SAMD5: variants seen among roughly 807,000 people sequenced by gnomAD.
SAMD5 encodes sterile alpha motif domain-containing protein 5.
In SAMD5, 13 loss-of-function variants were observed where a neutral mutation model predicts 11.3. The ratio of observed to expected loss-of-function variants is 1.15; its 90% CI spans 0.75 to 1.83. The LOEUF (loss-of-function observed/expected upper bound fraction) is 1.83. Among genes scored for constraint, SAMD5 ranks in the 40% most tolerant of loss-of-function variants. SAMD5 has a pLI of 0.00. For synonymous variants in SAMD5, 129 were observed against 111.3 expected (o/e 1.16, Z -1.00); for missense variants, 255 against 239.1 (o/e 1.07, Z -0.44).
intron 1 of SAMD5, among the ~76,000 whole-genome samples, chr6:147,595,098 T>C (rs1789509982): frequency 6.6e-6 from 1 of 152,248 alleles, no homozygotes; most frequent in Admixed American, 6.5e-5. Context: ...TAGTACTTGC[T>C]GTACCTGTTA....
intron 1 of SAMD5, among the ~76,000 whole-genome samples, chr6:147,644,951 C>G (rs991575661): frequency 4.6e-5 from 7 of 152,156 alleles, no homozygotes; most frequent in African/African-American, 1.7e-4. Flanking sequence ...TTGAAGCATA[C>G]TGGTTGTGGT....
At chr6:147,794,430 T>A in the SAMD5 span, among the ~76,000 whole-genome samples, 1 of 152,184 alleles carries the variant, frequency 6.6e-6, no homozygotes, top group Non-Finnish European at 1.5e-5. Flanking sequence ...TTACTTAACA[T>A]CATACTCACT....
the SAMD5 span, among the ~76,000 whole-genome samples, chr6:147,893,643 A>G: frequency 5.3e-5 from 8 of 152,140 alleles, no homozygotes; most frequent in Non-Finnish European, 1.2e-4. Flanking sequence ...CACAGGATCT[A>G]TTGACACTAT....
At chr6:147,695,665 G>C (rs972535831) in intron 1 of SAMD5, among the ~76,000 whole-genome samples, 1 of 152,114 alleles carries the variant, frequency 6.6e-6, no homozygotes, top group African/African-American at 2.4e-5. Context: ...TACTGTGCTA[G>C]CTACCAGTGT....
chr6:147,550,170 G>A (rs1022114223), intron 1 of SAMD5, among the ~76,000 whole-genome samples: 2 of 152,056 alleles, frequency 1.3e-5, no homozygotes, highest in African/African-American at 4.8e-5. Context: ...TTGAGCCCAG[G>A]AGTTTGAGGT....
downstream of SAMD5, among the ~76,000 whole-genome samples, chr6:147,742,268 TG>T (rs963253680): frequency 2.2e-4 from 34 of 152,228 alleles, no homozygotes; most frequent in Non-Finnish European, 4.3e-4. Context: ...GTGTGTTGTG[TG>T]TGTTTGTGTC....
At chr6:147,687,276 C>CTTTTT (rs59851113) in intron 1 of SAMD5, among the ~76,000 whole-genome samples, 12 of 105,026 alleles carry the variant, frequency 1.1e-4, no homozygotes, top group East Asian at 5.5e-4. Flanking sequence ...TCTCCTCCTT[C>CTTTTT]TTTTTTTTTT....
the SAMD5 span, among the ~76,000 whole-genome samples, chr6:147,877,118 T>G: frequency 3.9e-5 from 6 of 152,172 alleles, no homozygotes; most frequent in East Asian, 1.2e-3. Flanking sequence ...TAATAGATCT[T>G]ACTTTATAAG....
intron 1 of SAMD5, among the ~76,000 whole-genome samples, chr6:147,665,708 C>T (rs1790707574): frequency 6.6e-6 from 1 of 152,176 alleles, no homozygotes; most frequent in Admixed American, 6.5e-5. Flanking sequence ...CAAGATAATC[C>T]TTAATGTGAT....
At chr6:147,584,190 T>C (rs1041261274) in intron 1 of SAMD5, among the ~76,000 whole-genome samples, 1 of 152,138 alleles carries the variant, frequency 6.6e-6, no homozygotes, top group Non-Finnish European at 1.5e-5. Flanking sequence ...ATTACTTCCA[T>C]ACATTAATAT....
the SAMD5 span, among the ~76,000 whole-genome samples, chr6:147,769,611 AT>A: frequency 1.0e-3 from 157 of 152,336 alleles, no homozygotes; most frequent in Non-Finnish European, 1.8e-3. Context: ...CAGCGTCTTC[AT>A]AACCTTTTCA....
chr6:147,850,739 A>G, the SAMD5 span, among the ~76,000 whole-genome samples: 3 of 152,066 alleles, frequency 2.0e-5, no homozygotes, highest in Non-Finnish European at 4.4e-5. Flanking sequence ...CCCACCCTGT[A>G]CTGCCCAAGA....
chr6:147,690,338 T>G (rs1193276659), intron 1 of SAMD5, among the ~76,000 whole-genome samples: 1 of 152,212 alleles, frequency 6.6e-6, no homozygotes, highest in Non-Finnish European at 1.5e-5. Context: ...CATAAATAGT[T>G]TAAAAAAATT....
At chr6:147,829,813 G>A in the SAMD5 span, among the ~76,000 whole-genome samples, 1 of 152,124 alleles carries the variant, frequency 6.6e-6, no homozygotes, top group African/African-American at 2.4e-5. Flanking sequence ...AAGAGCTGCA[G>A]ATGGTTCTAC....
rs1005608079 is a variant in SAMD5 at position 147,533,070 on chromosome 6, G to C, written c.459+23683G>C. ...ATGAAAGCAGTGCAGCCATGGTCAG[G>C]CCTTGGGTTGGGAAGGGGGCTGGCG... On this transcript the variant is annotated intron_variant, in intron 1 of 1. Coordinates refer to ENST00000367474, the MANE Select transcript of SAMD5 (RefSeq NM_001030060.3). Among the ~76,000 whole-genome samples the C allele has an allele frequency of 5.3e-5, 8 of 152,094 alleles. 1 individual carries two copies. Among genetic ancestry groups the C allele is most frequent in the African/African-American group, 1.9e-4 (8 of 41,422 alleles).
intron 1 of SAMD5, among the ~76,000 whole-genome samples, chr6:147,701,259 A>G (rs2128457779): frequency 6.6e-6 from 1 of 152,326 alleles, no homozygotes; most frequent in South Asian, 2.1e-4. Context: ...ATATAAGCAT[A>G]ATATATGATA....
At chr6:147,595,580 G>C (rs571099416) in intron 1 of SAMD5, among the ~76,000 whole-genome samples, 192 of 140,230 alleles carry the variant, frequency 1.4e-3, no homozygotes, top group Non-Finnish European at 2.3e-3. Flanking sequence ...AGGCTGGAGT[G>C]CAGTGGTGCC....
At chr6:147,884,182 G>A in the SAMD5 span, among the ~76,000 whole-genome samples, 314 of 152,238 alleles carry the variant, frequency 2.1e-3, no homozygotes, top group African/African-American at 7.1e-3. Context: ...GAGTACAGAC[G>A]TCTTGCCTAA....
intron 1 of SAMD5, among the ~76,000 whole-genome samples, chr6:147,641,549 T>C (rs956959570): frequency 2.0e-5 from 3 of 149,870 alleles, no homozygotes; most frequent in Non-Finnish European, 3.0e-5. Context: ...ACAAACTAAC[T>C]CTCTTTCTCT....
Sources: gnomAD v4.1 joint callset for allele counts (sites outside exome capture counted in the v4.1 genomes callset) on GRCh38, gnomAD v4.1.1 for gene constraint, MANE v1.5 for transcripts, NCBI Gene and HGNC (gene_info 2026-07-23, HGNC 2026-07-21) for gene names.